The following KALRN variants were observed in gnomAD, a reference collection of about 807,000 sequenced individuals.
KALRN encodes kalirin.
A neutral mutation model predicts 353.7 loss-of-function variants in KALRN; 70 were observed. The observed-to-expected ratio is 0.20, with a 90% CI of 0.16 to 0.24. The LOEUF (loss-of-function observed/expected upper bound fraction) is 0.24. KALRN is among the 10% of genes least tolerant of loss of function. The pLI, the probability that KALRN is intolerant of heterozygous loss-of-function variation, is 1.00. For synonymous variants in KALRN, 1,391 were observed against 1,434.8 expected (o/e 0.97, Z 0.69); for missense variants, 2,791 against 3,756.7 (o/e 0.74, Z 6.72).
rs2065530219 is a variant in KALRN, at chr3:124,133,322, C to T, written c.74-94668C>T. 3.3e-5 allele frequency among the ~76,000 whole-genome samples: 5 copies of T among 152,164 alleles called. No homozygotes were observed. In the South Asian group the frequency reaches 1.0e-3, roughly 32 times the overall value. The stretch of plus-strand genomic sequence containing the variant: ...TTTAGTTTAAAAAACAAAACAACAA[C>T]CTTCCTCTCTCCCCCACCTCAAAAA... On this transcript the variant is annotated intron_variant, in intron 1 of 59. Transcript: ENST00000682506.
chr3:124,332,814 T>C (rs1838472), intron 8 of KALRN, among the ~76,000 whole-genome samples: 71,673 of 151,898 alleles, frequency 0.47, 18,310 homozygotes, highest in African/African-American at 0.66. Context: ...AGGGCTCGTA[T>C]AGAGCGAGAG....
intron 48 of KALRN, among the ~76,000 whole-genome samples, chr3:124,673,141 T>A (rs575670453): frequency 6.6e-6 from 1 of 152,172 alleles, no homozygotes; most frequent in South Asian, 2.1e-4. Context: ...TCCCAGCACT[T>A]TGGGAGGCCA....
intron 4 of KALRN, among the ~76,000 whole-genome samples, chr3:124,267,159 T>C (rs533728387): frequency 6.6e-6 from 1 of 152,208 alleles, no homozygotes; most frequent in South Asian, 2.1e-4. Flanking sequence ...GAGATGAGAG[T>C]ATAAGCTTGT....
intron 1 of KALRN, among the ~76,000 whole-genome samples, chr3:124,073,645 T>C (rs1559905898): frequency 6.6e-6 from 1 of 152,154 alleles, no homozygotes; most frequent in Non-Finnish European, 1.5e-5. Flanking sequence ...GGATTTCTTA[T>C]TATGCACTAG....
intron 18 of KALRN, among the ~76,000 whole-genome samples, chr3:124,439,393 C>T (rs991972561): frequency 2.9e-4 from 44 of 152,218 alleles, no homozygotes; most frequent in African/African-American, 9.9e-4. Flanking sequence ...TATAGTTAGG[C>T]GATCAGGATA....
chr3:124,290,519 C>T (rs1359628136), intron 5 of KALRN, among the ~76,000 whole-genome samples: 3 of 152,152 alleles, frequency 2.0e-5, no homozygotes, highest in Non-Finnish European at 4.4e-5. Context: ...GAAGGAGAGA[C>T]AGAAGGAAGC....
chr3:124,687,856 A>G (rs1447653613), intron 51 of KALRN, among the ~76,000 whole-genome samples: 2 of 150,052 alleles, frequency 1.3e-5, no homozygotes, highest in East Asian at 2.0e-4. Flanking sequence ...ACAACTGGGT[A>G]AAAGAAAAAA....
chr3:124,614,281 T>TTTAC (rs1192121387), intron 34 of KALRN, among the ~76,000 whole-genome samples: 1 of 144,378 alleles, frequency 6.9e-6, no homozygotes, highest in African/African-American at 2.5e-5. Context: ...TATTTATTTA[T>TTTAC]TTATTGAGAC....
intron 1 of KALRN, among the ~76,000 whole-genome samples, chr3:124,120,348 T>TG (rs1315259893): frequency 3.0e-4 from 45 of 152,304 alleles, no homozygotes; most frequent in Admixed American, 2.9e-3. Context: ...GTTTTCTTCT[T>TG]GCAATCCACA....
chr3:124,331,598 C>A (rs1479812900), intron 8 of KALRN, among the ~76,000 whole-genome samples: 1 of 151,712 alleles, frequency 6.6e-6, no homozygotes, highest in Non-Finnish European at 1.5e-5. Flanking sequence ...CAAATCTGAT[C>A]TCATCAGCTC....
chr3:124,143,947 G>A (rs549977200), intron 1 of KALRN, among the ~76,000 whole-genome samples: 3 of 152,186 alleles, frequency 2.0e-5, no homozygotes, highest in Non-Finnish European at 2.9e-5. Context: ...GGGCAGTAAG[G>A]GGGGGATCTA....
intron 1 of KALRN, among the ~76,000 whole-genome samples, chr3:124,182,703 A>G (rs966788070): frequency 6.6e-6 from 1 of 152,090 alleles, no homozygotes; most frequent in Non-Finnish European, 1.5e-5. Context: ...TAACCAAGAA[A>G]AAGACTCAGG....
At chr3:124,712,290 G>A (rs2062928127) in intron 57 of KALRN, among the ~76,000 whole-genome samples, 1 of 152,168 alleles carries the variant, frequency 6.6e-6, no homozygotes, top group Non-Finnish European at 1.5e-5. Flanking sequence ...ATTTGTGCTA[G>A]ACCTTGAAGG....
Position 124,398,690 on chromosome 3 carries a change from G to A in KALRN, c.2172-7G>A, listed in dbSNP as rs2090479396. On this transcript the variant is annotated splice_polypyrimidine_tract_variant and splice_region_variant and intron_variant, in intron 12 of 59. Coordinates refer to ENST00000682506, the MANE Select transcript of KALRN (RefSeq NM_001388419.1). ...TCCCTCCCTTTTTTCTCCCCACTCT[G>A]CCACAGGGACTCGGCTGTGTCCAAC... 6.2e-7 allele frequency: 1 copy of A among 1,613,810 alleles called. No homozygotes were observed.
At chr3:124,069,593 A>G (rs1233512889) in intron 1 of KALRN, among the ~76,000 whole-genome samples, 1 of 152,242 alleles carries the variant, frequency 6.6e-6, no homozygotes, top group African/African-American at 2.4e-5. Flanking sequence ...AAATCAAACA[A>G]TGTAAACTGT....
At chr3:124,591,784 A>G (rs532506878) in intron 34 of KALRN, among the ~76,000 whole-genome samples, 65 of 152,330 alleles carry the variant, frequency 4.3e-4, no homozygotes, top group Non-Finnish European at 7.6e-4. Flanking sequence ...GTTGGTGGTA[A>G]CACTGTAAAT....
intron 31 of KALRN, among the ~76,000 whole-genome samples, chr3:124,491,879 C>T (rs1268110015): frequency 1.3e-5 from 2 of 152,154 alleles, no homozygotes; most frequent in African/African-American, 4.8e-5. Context: ...ACCTTATTCC[C>T]TGGGAACCTA....
chr3:124,299,252 A>T (rs1053968232), intron 6 of KALRN, among the ~76,000 whole-genome samples: 10 of 152,148 alleles, frequency 6.6e-5, no homozygotes, highest in Non-Finnish European at 1.0e-4. Context: ...TGAGTCACTG[A>T]TCGGGGATGG....
intron 3 of KALRN, among the ~76,000 whole-genome samples, chr3:124,259,839 A>C (rs114278836): frequency 0.015 from 2,234 of 152,306 alleles, 35 homozygotes; most frequent in African/African-American, 0.043. Context: ...GCCGGGTGAC[A>C]GTTACAGGTT....
Sources: gnomAD v4.1 joint callset for allele counts (sites outside exome capture counted in the v4.1 genomes callset) on GRCh38, gnomAD v4.1.1 for gene constraint, MANE v1.5 for transcripts, NCBI Gene and HGNC (gene_info 2026-07-23, HGNC 2026-07-21) for gene names.